The following SKAP2 variants were observed in gnomAD, a reference collection of about 807,000 sequenced individuals.
SKAP2 encodes src kinase-associated phosphoprotein 2.
A neutral mutation model predicts 54.9 loss-of-function variants in SKAP2; 28 were observed. The observed-to-expected ratio is 0.51, with a 90% confidence interval of 0.38 to 0.70. SKAP2 has a LOEUF of 0.70. SKAP2 is among the 30% of genes least tolerant of loss of function. The pLI is 0.00. For synonymous variants in SKAP2, 137 were observed against 134.3 expected (o/e 1.02, Z -0.14); for missense variants, 356 against 424.1 (o/e 0.84, Z 1.41).
chr7:26,799,851 G>T (rs1783873215), intron 4 of SKAP2, among the ~76,000 whole-genome samples: 1 of 152,134 alleles, frequency 6.6e-6, no homozygotes, highest in Non-Finnish European at 1.5e-5. Context: ...ACAGGCGGTG[G>T]CTCACGCCTG....
downstream of SKAP2, among the ~76,000 whole-genome samples, chr7:26,662,803 G>A (rs574345812): frequency 3.9e-5 from 6 of 152,240 alleles, no homozygotes; most frequent in South Asian, 1.2e-3. Flanking sequence ...TACACAACTT[G>A]TTTTTCTGCT....
chr7:26,856,485 T>C (rs938679170), intron 1 of SKAP2, among the ~76,000 whole-genome samples: 2 of 152,182 alleles, frequency 1.3e-5, no homozygotes, highest in African/African-American at 4.8e-5. Flanking sequence ...CATAGAGACA[T>C]AATCTAGTAC....
chr7:26,780,859 C>G (rs1428142086), intron 4 of SKAP2, among the ~76,000 whole-genome samples: 1 of 152,018 alleles, frequency 6.6e-6, no homozygotes, highest in Admixed American at 6.6e-5. Flanking sequence ...TAACTTGCTC[C>G]AGTCCAACAT....
chr7:26,787,659 G>A (rs1290147431), intron 4 of SKAP2, among the ~76,000 whole-genome samples: 1 of 152,094 alleles, frequency 6.6e-6, no homozygotes, highest in Non-Finnish European at 1.5e-5. Flanking sequence ...GAAAGGCAAA[G>A]GGTGACCTGG....
intron 6 of SKAP2, among the ~76,000 whole-genome samples, chr7:26,729,937 C>G (rs553353827): frequency 1.9e-4 from 29 of 152,268 alleles, no homozygotes; most frequent in African/African-American, 6.7e-4. Context: ...ATATCTAGAC[C>G]TATCCAACTG....
intron 4 of SKAP2, among the ~76,000 whole-genome samples, chr7:26,808,646 T>TA (rs57210622): frequency 0.51 from 76,968 of 150,744 alleles, 20,266 homozygotes; most frequent in East Asian, 0.86. Context: ...TTTACCATAA[T>TA]AAAAAAAAAG....
Position 26,684,859 on chromosome 7 carries a change from GA to G in SKAP2, c.875-12del. On this transcript the variant is annotated splice_polypyrimidine_tract_variant and intron_variant, in intron 10 of 12. Coordinates refer to ENST00000345317, the MANE Select transcript of SKAP2 (RefSeq NM_003930.5). ...CAGTGCTCTTATCCCCTAGGAAGAA[GA>G]AAGAGAAAGCATGAATTAGGGCCTT... 6.6e-7 allele frequency: 1 copy of G among 1,526,656 alleles called. No homozygotes were observed. The highest frequency in any genetic ancestry group is 9.1e-7 in the Non-Finnish European group (1 of 1,104,040). 94.6% of individuals were successfully genotyped at this position (1,526,656 alleles called of 1,614,324 possible). A position where few individuals can be genotyped will look rare whatever the true frequency, so the allele number is the denominator to read the frequency against.
intron 4 of SKAP2, among the ~76,000 whole-genome samples, chr7:26,763,970 T>G (rs1474730415): frequency 6.6e-6 from 1 of 152,190 alleles, no homozygotes; most frequent in Non-Finnish European, 1.5e-5. Flanking sequence ...AATTCGTTGT[T>G]GACTGAAAGG....
chr7:26,853,371 A>AT (rs899394470), intron 3 of SKAP2, among the ~76,000 whole-genome samples: 1 of 152,128 alleles, frequency 6.6e-6, no homozygotes, highest in African/African-American at 2.4e-5. Flanking sequence ...GCTGTACATC[A>AT]TAACCTATGA....
chr7:26,774,747 T>C (rs1381433451), intron 4 of SKAP2, among the ~76,000 whole-genome samples: 2 of 152,172 alleles, frequency 1.3e-5, no homozygotes, highest in African/African-American at 2.4e-5. Flanking sequence ...TGTTTCATGG[T>C]GCTGATTCAA....
At chr7:26,763,787 G>A (rs565435027) in intron 4 of SKAP2, among the ~76,000 whole-genome samples, 1 of 147,384 alleles carries the variant, frequency 6.8e-6, no homozygotes, top group African/African-American at 2.5e-5. Context: ...TACACACCTA[G>A]GCAATATTAT....
At chr7:26,840,128 AC>A (rs1784790926) in intron 4 of SKAP2, among the ~76,000 whole-genome samples, 2 of 152,038 alleles carry the variant, frequency 1.3e-5, no homozygotes, top group African/African-American at 4.8e-5. Flanking sequence ...CCTTTCAGTA[AC>A]CTAGGTTATT....
chr7:26,818,909 A>C (rs183130840), intron 4 of SKAP2, among the ~76,000 whole-genome samples: 2 of 152,320 alleles, frequency 1.3e-5, no homozygotes, highest in East Asian at 3.9e-4. Context: ...GATAATTAAA[A>C]AGTCAGGAAA....
At chr7:26,786,590 G>C (rs1783549706) in intron 4 of SKAP2, among the ~76,000 whole-genome samples, 2 of 152,176 alleles carry the variant, frequency 1.3e-5, no homozygotes, top group African/African-American at 4.8e-5. Context: ...GAGTAATAGG[G>C]GACCTAAGGC....
intron 4 of SKAP2, among the ~76,000 whole-genome samples, chr7:26,750,594 A>G (rs1053271472): frequency 9.9e-5 from 15 of 152,282 alleles, no homozygotes; most frequent in Admixed American, 9.8e-4. Flanking sequence ...TATAGGTGTG[A>G]GCCACTGCAC....
chr7:26,745,696 G>A (rs1782547118), intron 4 of SKAP2, among the ~76,000 whole-genome samples: 1 of 152,070 alleles, frequency 6.6e-6, no homozygotes, highest in Admixed American at 6.5e-5. Context: ...TGTATGTTCT[G>A]TAGAGGCAAG....
chr7:26,682,823 C>T (rs1221505982), intron 11 of SKAP2, among the ~76,000 whole-genome samples: 1 of 152,156 alleles, frequency 6.6e-6, no homozygotes, highest in Non-Finnish European at 1.5e-5. Context: ...CTGCCTCCTT[C>T]GGAATCCTAA....
chr7:26,664,565 A>G (rs1038164266), downstream of SKAP2, among the ~76,000 whole-genome samples: 52 of 152,080 alleles, frequency 3.4e-4, no homozygotes, highest in African/African-American at 1.2e-3. Context: ...CTTTCCTCAA[A>G]CAAGAAGTAA....
chr7:26,708,363 T>C (rs887574006), intron 9 of SKAP2, among the ~76,000 whole-genome samples: 1 of 152,064 alleles, frequency 6.6e-6, no homozygotes, highest in Non-Finnish European at 1.5e-5. Flanking sequence ...TTTTTATTAT[T>C]GTAGGGGCAA....
Sources: allele counts gnomAD v4.1 joint callset (sites outside exome capture counted in the v4.1 genomes callset), GRCh38; gene constraint gnomAD v4.1.1; transcripts MANE v1.5; gene names NCBI Gene and HGNC (gene_info 2026-07-23, HGNC 2026-07-21).